The following UNC13C variants were observed in gnomAD, a reference collection of about 807,000 sequenced individuals.
UNC13C encodes the protein protein unc-13 homolog C.
In UNC13C, 174 loss-of-function variants were observed where a neutral mutation model predicts 245.4. The observed-to-expected ratio is 0.71, with a 90% CI of 0.63 to 0.80. The LOEUF is 0.80. Among genes scored for constraint, UNC13C ranks in the 30% least tolerant of loss-of-function variants. The pLI, the probability that UNC13C is intolerant of heterozygous loss-of-function variation, is 0.00. For synonymous variants in UNC13C, 992 were observed against 895.1 expected (o/e 1.11, Z -1.93); for missense variants, 2,829 against 2,602.9 (o/e 1.09, Z -1.89).
intron 2 of UNC13C, among the ~76,000 whole-genome samples, chr15:54,037,781 T>C (rs11858483): frequency 0.096 from 14,584 of 152,018 alleles, 887 homozygotes; most frequent in Middle Eastern, 0.18. Flanking sequence ...AGGTTTGCCA[T>C]TTATGCAAGT....
At chr15:54,306,238 A>G (rs1051630737) in intron 13 of UNC13C, among the ~76,000 whole-genome samples, 1 of 151,998 alleles carries the variant, frequency 6.6e-6, no homozygotes, top group South Asian at 2.1e-4. Context: ...TTACATAAAA[A>G]TGACCCTTTG....
intron 30 of UNC13C, among the ~76,000 whole-genome samples, chr15:54,569,651 CT>C (rs1331912642): frequency 6.6e-6 from 1 of 151,496 alleles, no homozygotes; most frequent in Non-Finnish European, 1.5e-5. Flanking sequence ...GCATAATTAC[CT>C]TTTTATTACA....
chr15:54,413,766 A>T (rs1290573734), intron 18 of UNC13C, among the ~76,000 whole-genome samples: 1 of 152,116 alleles, frequency 6.6e-6, no homozygotes, highest in African/African-American at 2.4e-5. Context: ...GGTTGTTTTG[A>T]GGTCATATTT....
chr15:54,040,044 C>T (rs1033530949), intron 2 of UNC13C, among the ~76,000 whole-genome samples: 16 of 152,020 alleles, frequency 1.1e-4, no homozygotes, highest in African/African-American at 3.9e-4. Context: ...TTACTGTGGC[C>T]TTTACGCTCT....
intron 4 of UNC13C, among the ~76,000 whole-genome samples, chr15:54,177,567 C>A (rs929858651): frequency 2.0e-5 from 3 of 152,088 alleles, no homozygotes; most frequent in African/African-American, 7.2e-5. Flanking sequence ...CAGAATAAAA[C>A]AAGCAAAGCT....
intron 2 of UNC13C, among the ~76,000 whole-genome samples, chr15:54,019,213 G>T (rs1895790969): frequency 1.3e-5 from 2 of 152,178 alleles, no homozygotes. Flanking sequence ...GGTGGATCCA[G>T]AATTACATGG....
At chr15:54,010,827 A>G (rs1895350881) in intron 1 of UNC13C, among the ~76,000 whole-genome samples, 1 of 152,158 alleles carries the variant, frequency 6.6e-6, no homozygotes. Context: ...TGGATGACAC[A>G]TGATCTAGAA....
intron 17 of UNC13C, among the ~76,000 whole-genome samples, chr15:54,384,750 G>T (rs995131991): frequency 1.7e-4 from 26 of 152,006 alleles, no homozygotes; most frequent in African/African-American, 1.2e-4. Context: ...GAAAATATTT[G>T]CAAATTATTC....
At chr15:54,598,329 A>C (rs143303245) in intron 30 of UNC13C, among the ~76,000 whole-genome samples, 1 of 152,308 alleles carries the variant, frequency 6.6e-6, no homozygotes, top group South Asian at 2.1e-4. Flanking sequence ...TGCTGACCTC[A>C]GGCAATCTGC....
chr15:53,887,727 G>A, the UNC13C span, among the ~76,000 whole-genome samples: 8 of 151,268 alleles, frequency 5.3e-5, no homozygotes, highest in African/African-American at 7.3e-5. Context: ...CCCACCCCCC[G>A]ATAGTGTGAT....
At chr15:54,605,121 A>C (rs1488974063) in intron 30 of UNC13C, among the ~76,000 whole-genome samples, 1 of 152,154 alleles carries the variant, frequency 6.6e-6, no homozygotes, top group East Asian at 1.9e-4. Flanking sequence ...CTGGGTAGTA[A>C]AGCTGGAGGG....
Position 54,013,694 on chromosome 15 carries a change from G to A in UNC13C, c.791G>A (p.Arg264Gln), listed in dbSNP as rs755686570. The A allele has an allele frequency of 3.7e-6, 6 of 1,613,498 alleles. No homozygotes were observed. Among genetic ancestry groups the A allele is most frequent in the South Asian group, 1.1e-5 (1 of 91,050 alleles). Residue 264 changes from arginine to glutamine, a missense_variant, in exon 2 of 33, where the codon CGA becomes CAA. By Grantham distance (43) the Arg-to-Gln change is conservative. Coordinates refer to ENST00000260323, the MANE Select transcript of UNC13C (RefSeq NM_001080534.3). ...SQIETELSEL[R>Q]GHVNALKHSI... is the part of the protein sequence containing the mutation. ...ATTGAAACAGAACTTTCTGAACTAC[G>A]AGGGCACGTCAATGCTCTCAAGCAC... is the stretch of plus-strand genomic sequence containing the variant.
chr15:54,250,343 G>C lies in UNC13C; in HGVS notation c.3347G>C (p.Gly1116Ala). Residue 1116 changes from glycine to alanine, a missense_variant, in exon 8 of 33, where the codon GGG (glycine) becomes GCG (alanine). Coordinates refer to ENST00000260323, the MANE Select transcript of UNC13C (RefSeq NM_001080534.3). ...CCCACCTACTGTTATGAGTGTGAAG[G>C]GCTCCTGTGGGGCATTGCAAGGCAA... ...TTPTYCYECE[G>A]LLWGIARQGM... 1 of 1,613,884 alleles carries C rather than the reference G, an allele frequency of 6.2e-7. No homozygotes were observed. The highest frequency in any genetic ancestry group is 8.5e-7 in the Non-Finnish European group (1 of 1,179,854).
chr15:54,398,395 T>A (rs1157855997), intron 18 of UNC13C, among the ~76,000 whole-genome samples: 1 of 151,384 alleles, frequency 6.6e-6, no homozygotes, highest in Non-Finnish European at 1.5e-5. Context: ...TATGAGGATA[T>A]TGCTCTATGG....
chr15:54,312,621 C>T (rs2037904691), intron 13 of UNC13C, among the ~76,000 whole-genome samples: 1 of 151,714 alleles, frequency 6.6e-6, no homozygotes, highest in Non-Finnish European at 1.5e-5. Context: ...CCCTATTGTA[C>T]AGGCAGTATT....
At chr15:53,930,739 C>G in the UNC13C span, among the ~76,000 whole-genome samples, 1 of 152,190 alleles carries the variant, frequency 6.6e-6, no homozygotes, top group Non-Finnish European at 1.5e-5. Flanking sequence ...TAAGATTATA[C>G]TGTACTAAAG....
chr15:54,224,484 T>A (rs1040677905), intron 4 of UNC13C, among the ~76,000 whole-genome samples: 1 of 152,130 alleles, frequency 6.6e-6, no homozygotes, highest in African/African-American at 2.4e-5. Context: ...ATAAATCATC[T>A]TCGGTTATGA....
intron 4 of UNC13C, among the ~76,000 whole-genome samples, chr15:54,198,793 A>G (rs2034436573): frequency 6.6e-6 from 1 of 152,106 alleles, no homozygotes; most frequent in Admixed American, 6.6e-5. Flanking sequence ...TAATATGACA[A>G]AACAAGTTTC....
At chr15:54,092,382 A>T (rs913955254) in intron 2 of UNC13C, among the ~76,000 whole-genome samples, 4 of 152,222 alleles carry the variant, frequency 2.6e-5, no homozygotes, top group Non-Finnish European at 4.4e-5. Flanking sequence ...AATTTAAAAA[A>T]ATCATAACCA....
Sources: gnomAD v4.1 joint callset for allele counts (sites outside exome capture counted in the v4.1 genomes callset) on GRCh38, gnomAD v4.1.1 for gene constraint, MANE v1.5 for transcripts, NCBI Gene and HGNC (gene_info 2026-07-23, HGNC 2026-07-21) for gene names.